STT3B: variants seen among roughly 807,000 people sequenced by gnomAD.
STT3B encodes dolichyl-diphosphooligosaccharide--protein glycosyltransferase subunit STT3B.
A neutral mutation model predicts 96.8 loss-of-function variants in STT3B; 29 were observed. The ratio of observed to expected loss-of-function variants is 0.30; its 90% CI spans 0.22 to 0.41. The LOEUF (loss-of-function observed/expected upper bound fraction) is 0.41. Ranked by LOEUF, STT3B falls within the 10% of genes least tolerant of loss-of-function variation. The pLI is 1.00. For missense variants in STT3B, 640 were observed against 1,022.3 expected (o/e 0.63, Z 5.10); for synonymous variants, 367 against 360.0 (o/e 1.02, Z -0.22).
intron 1 of STT3B, among the ~76,000 whole-genome samples, chr3:31,572,934 T>G (rs1016608048): frequency 6.6e-6 from 1 of 152,230 alleles, no homozygotes; most frequent in Admixed American, 6.5e-5. Context: ...TAGGAGTATT[T>G]ATCTATTTGA....
rs760970315 is a variant in STT3B, at chr3:31,533,049, G to C, written c.51G>C (p.Ser17=). The C allele has an allele frequency of 2.5e-6, 4 of 1,584,960 alleles. No individual in the cohort carries two copies. Among genetic ancestry groups the C allele is most frequent in the East Asian group, 2.5e-5 (1 of 39,914 alleles). Reference sequence around the variant, plus strand: ...GCAAGCACAAGTCGTCCCTCAACTCGTCCCCGTGGAGTGGCCTCATGGCCC... The same window carrying C: ...GCAAGCACAAGTCGTCCCTCAACTCCTCCCCGTGGAGTGGCCTCATGGCCC... ...PESKHKSSLN[S]SPWSGLMALG... The change falls in exon 1 of 16, where the codon TCG becomes TCC. Residue 17 remains serine, a synonymous_variant. Transcript: ENST00000295770.
At chr3:31,566,286 T>A (rs969294596) in intron 1 of STT3B, among the ~76,000 whole-genome samples, 2 of 152,198 alleles carry the variant, frequency 1.3e-5, no homozygotes, top group African/African-American at 4.8e-5. Context: ...TGCTTAAGAA[T>A]GTGGGCACCA....
At chr3:31,585,808 T>G (rs1411094839) in intron 3 of STT3B, among the ~76,000 whole-genome samples, 1 of 152,094 alleles carries the variant, frequency 6.6e-6, no homozygotes, top group African/African-American at 2.4e-5. Flanking sequence ...GTTGTTGATG[T>G]TTTAGTAGTT....
At chr3:31,571,002 G>T (rs1330283132) in intron 1 of STT3B, among the ~76,000 whole-genome samples, 1 of 152,164 alleles carries the variant, frequency 6.6e-6, no homozygotes, top group African/African-American at 2.4e-5. Flanking sequence ...TAACTGGGCA[G>T]TCCAGGCCCA....
chr3:31,597,401 G>A (rs1236492775), intron 4 of STT3B, among the ~76,000 whole-genome samples: 2 of 151,806 alleles, frequency 1.3e-5, no homozygotes, highest in Non-Finnish European at 2.9e-5. Context: ...CTCATGATCT[G>A]CTGGCCTCGG....
chr3:31,555,744 A>G (rs1219784386), intron 1 of STT3B, among the ~76,000 whole-genome samples: 6 of 152,150 alleles, frequency 3.9e-5, no homozygotes, highest in Non-Finnish European at 8.8e-5. Context: ...AATCTTAAAC[A>G]TTAGTTAACA....
At chr3:31,574,647 C>G (rs1246930565) in intron 1 of STT3B, among the ~76,000 whole-genome samples, 1 of 152,028 alleles carries the variant, frequency 6.6e-6, no homozygotes, top group East Asian at 1.9e-4. Context: ...CTTAGCTTTC[C>G]ATGTTGTTGG....
rs534164270 is a variant in STT3B, at chr3:31,606,334, G to A, written c.877+5875G>A. Among the ~76,000 whole-genome samples the A allele has an allele frequency of 5.9e-5, 9 of 152,342 alleles. No individual in the cohort carries two copies. The South Asian group carries it at 1.9e-3, about 32-fold the overall frequency. ...GGGGAAATGTCTCCAGGGCATGTCA[G>A]AGACCTTTGCAGCAGCCCCTCCCAT... is the stretch of plus-strand genomic sequence containing the variant. On this transcript the variant is annotated intron_variant, in intron 5 of 15. Coordinates refer to ENST00000295770, the MANE Select transcript of STT3B (RefSeq NM_178862.3).
At chr3:31,622,533 G>A (rs976836740) in intron 10 of STT3B, among the ~76,000 whole-genome samples, 2 of 152,040 alleles carry the variant, frequency 1.3e-5, no homozygotes, top group Non-Finnish European at 2.9e-5. Context: ...CCTCTTTTTG[G>A]TAATTTGTTA....
chr3:31,544,521 T>C (rs937472324), intron 1 of STT3B, among the ~76,000 whole-genome samples: 13 of 152,220 alleles, frequency 8.5e-5, no homozygotes, highest in Non-Finnish European at 1.6e-4. Context: ...GCAGTATTCC[T>C]GTGAATCCTA....
chr3:31,606,367 C>G (rs1559383764), intron 5 of STT3B, among the ~76,000 whole-genome samples: 1 of 152,168 alleles, frequency 6.6e-6, no homozygotes, highest in South Asian at 2.1e-4. Context: ...CATCATAGGT[C>G]CAGAGGCCTA....
In STT3B at chr3:31,533,153, A is replaced by G; in HGVS notation, c.155A>G (p.Lys52Arg). The G allele has an allele frequency of 7.7e-7, 1 of 1,295,604 alleles. No homozygotes were observed. Among genetic ancestry groups the G allele is most frequent in the Non-Finnish European group, 9.8e-7 (1 of 1,021,616 alleles). 80.3% of individuals were successfully genotyped at this position (1,295,604 alleles called of 1,614,324 possible). The change falls in exon 1 of 16, where the codon AAG (lysine) becomes AGG (arginine). Residue 52 changes from lysine (K) to arginine (R), a missense_variant. Lys to Arg is a conservative substitution (Grantham distance 26, BLOSUM62 2). This residue lies in a region of STT3B where 89 missense variants were observed against 81.7 expected (regional missense o/e 1.09). Coordinates refer to ENST00000295770, the MANE Select transcript of STT3B (RefSeq NM_178862.3). ...HKAAGGAAPP[K>R]PAPAGLSGGL... ...GCGGCGGGCGGCGCGGCGCCGCCGAAGCCGGCCCCGGCGGGGCTGTCCGGG... is the reference window on the plus strand; with the variant it reads ...GCGGCGGGCGGCGCGGCGCCGCCGAGGCCGGCCCCGGCGGGGCTGTCCGGG...
intron 2 of STT3B, among the ~76,000 whole-genome samples, chr3:31,579,477 TAAAAAAA>T (rs1173591549): frequency 7.1e-4 from 48 of 67,450 alleles, no homozygotes; most frequent in African/African-American, 2.0e-3. Flanking sequence ...CCTGTTTTGA[TAAAAAAA>T]AAAAAAAAAA....
chr3:31,558,278 A>G (rs139514141), intron 1 of STT3B, among the ~76,000 whole-genome samples: 17 of 152,306 alleles, frequency 1.1e-4, no homozygotes, highest in African/African-American at 3.6e-4. Flanking sequence ...AAAGGCTTTC[A>G]ACTTTTCTTA....
chr3:31,621,549 C>T (rs1006232599), intron 9 of STT3B, among the ~76,000 whole-genome samples: 1 of 152,192 alleles, frequency 6.6e-6, no homozygotes. Flanking sequence ...GAGTCTTTTC[C>T]TGTGGTTAGC....
chr3:31,628,949 T>A (rs558210367), intron 13 of STT3B, among the ~76,000 whole-genome samples: 1 of 152,082 alleles, frequency 6.6e-6, no homozygotes, highest in East Asian at 1.9e-4. Flanking sequence ...TACAAAAAAA[T>A]GCAAAAATTA....
At chr3:31,562,963 A>G (rs1214744641) in intron 1 of STT3B, among the ~76,000 whole-genome samples, 11 of 152,208 alleles carry the variant, frequency 7.2e-5, no homozygotes, top group South Asian at 2.1e-4. Context: ...GAGAGGGTCA[A>G]GGAGCTCTCC....
chr3:31,576,278 A>G (rs1009216037), intron 1 of STT3B, 118 bp from the exon 2 acceptor site: 5 of 538,082 alleles, frequency 9.3e-6, no homozygotes, highest in African/African-American at 4.0e-5. Flanking sequence ...ATTATGTTAT[A>G]TAAGTTTGAT....
At chr3:31,547,962 A>G (rs1386443587) in intron 1 of STT3B, among the ~76,000 whole-genome samples, 1 of 152,196 alleles carries the variant, frequency 6.6e-6, no homozygotes, top group Non-Finnish European at 1.5e-5. Context: ...ATATTCAAAG[A>G]CAGAGTGGAA....
Sources: allele counts gnomAD v4.1 joint callset (sites outside exome capture counted in the v4.1 genomes callset), GRCh38; gene constraint gnomAD v4.1.1; regional missense constraint gnomAD v4.1.1; transcripts MANE v1.5; gene names NCBI Gene and HGNC (gene_info 2026-07-23, HGNC 2026-07-21).